Variants in ZNF827 observed in about 807,000 individuals in gnomAD.
ZNF827 encodes the protein zinc finger protein 827.
A neutral mutation model predicts 102.4 loss-of-function variants in ZNF827; 13 were observed. The observed-to-expected ratio is 0.13, with a 90% confidence interval of 0.08 to 0.20. ZNF827 has a LOEUF of 0.20. Ranked by LOEUF, ZNF827 falls within the 10% of genes least tolerant of loss-of-function variation. The pLI, the probability that ZNF827 is intolerant of heterozygous loss-of-function variation, is 1.00. For synonymous variants in ZNF827, 523 were observed against 536.2 expected (o/e 0.98, Z 0.34); for missense variants, 1,103 against 1,344.4 (o/e 0.82, Z 2.81).
chr4:145,788,123 G>A (rs111471842), intron 8 of ZNF827, among the ~76,000 whole-genome samples: 13 of 152,264 alleles, frequency 8.5e-5, no homozygotes, highest in Non-Finnish European at 1.6e-4. Context: ...TTAGTAAACA[G>A]CTGCTTCTGA....
intron 11 of ZNF827, among the ~76,000 whole-genome samples, chr4:145,771,859 C>T (rs1736338391): frequency 6.6e-6 from 1 of 152,120 alleles, no homozygotes; most frequent in African/African-American, 2.4e-5. Flanking sequence ...ATAATAGGGG[C>T]CTTTTCCTAA....
intron 5 of ZNF827, among the ~76,000 whole-genome samples, chr4:145,869,175 T>C (rs1170440425): frequency 6.6e-6 from 1 of 152,248 alleles, no homozygotes; most frequent in East Asian, 1.9e-4. Context: ...CAATGTGCTT[T>C]GAATTAACAT....
intron 7 of ZNF827, among the ~76,000 whole-genome samples, chr4:145,841,782 C>A (rs1227416332): frequency 1.3e-5 from 2 of 152,200 alleles, no homozygotes; most frequent in Non-Finnish European, 1.5e-5. Flanking sequence ...AGCAGGACCA[C>A]ATGATTCAAT....
chr4:145,924,393 A>T (rs28420866), intron 1 of ZNF827, among the ~76,000 whole-genome samples: 1,762 of 152,312 alleles, frequency 0.012, 36 homozygotes, highest in African/African-American at 0.04. Flanking sequence ...GATGTTAGAT[A>T]TACTATTTTT....
chr4:145,781,195 C>CAAAAAAAAAAGAAAAAAAAAAAAAAAAGA, intron 8 of ZNF827, among the ~76,000 whole-genome samples: 1 of 56,546 alleles, frequency 1.8e-5, no homozygotes, highest in African/African-American at 8.0e-5. Context: ...GACACCATCT[C>CAAAAAAAAAAGAAAAAAAAAAAAAAAAGA]AAAAAAAAAA....
At position 145,838,274 on chromosome 4, in the gene ZNF827, C is replaced by CA. The variant is rs567682691; in HGVS notation, c.2279+7681dup. ...GTCCTTTTCCTGGCTCATCCTGGCT[C>CA]AAAAGCACCCCCACTGAGCACCTTG... On this transcript the variant is annotated intron_variant, in intron 7 of 14. Transcript: ENST00000508784. 6.2e-3 allele frequency among the ~76,000 whole-genome samples: 941 copies of CA among 152,274 alleles called. 5 individuals are homozygous for CA. The highest frequency in any genetic ancestry group is 0.021 in the African/African-American group (877 of 41,546).
intron 1 of ZNF827, among the ~76,000 whole-genome samples, chr4:145,935,522 C>T (rs1754095254): frequency 6.6e-6 from 1 of 152,210 alleles, no homozygotes; most frequent in Non-Finnish European, 1.5e-5. Flanking sequence ...CACAAAAATC[C>T]ATTCAATGCA....
At chr4:145,916,293 G>T (rs1752662522) in intron 1 of ZNF827, among the ~76,000 whole-genome samples, 1 of 152,168 alleles carries the variant, frequency 6.6e-6, no homozygotes, top group Admixed American at 6.5e-5. Flanking sequence ...TGAATTTTGA[G>T]CACCTGCACA....
intron 5 of ZNF827, among the ~76,000 whole-genome samples, chr4:145,864,050 C>T (rs1050362140): frequency 2.6e-5 from 4 of 151,714 alleles, no homozygotes; most frequent in Non-Finnish European, 4.4e-5. Context: ...AAAAATCAGC[C>T]GGGCGCAGTG....
Position 145,765,084 on chromosome 4 carries a change from C to T in ZNF827, c.3134G>A (p.Arg1045Gln), listed in dbSNP as rs1478583447. 5 of 1,614,202 alleles carry T rather than the reference C, an allele frequency of 3.1e-6. No individual in the cohort carries two copies. Among genetic ancestry groups the T allele is most frequent in the South Asian group, 1.1e-5 (1 of 91,090 alleles). Residue 1045 changes from arginine (R) to glutamine (Q), a missense_variant, in exon 13 of 15, where the codon CGG becomes CAG. By Grantham distance (43) the Arg-to-Gln change is conservative. Coordinates refer to ENST00000508784, the MANE Select transcript of ZNF827 (RefSeq NM_001306215.2). The surrounding 1 kb of genome is among the most constrained non-coding windows in gnomAD (Gnocchi z 4.7). ...GTGGCACACATCACACTCAAACATC[C>T]GGGTGATGAGGTGTATCTGCAGATG... ...ERHLQIHLIT[R>Q]MFECDVCHKF...
intron 8 of ZNF827, among the ~76,000 whole-genome samples, chr4:145,795,510 T>C (rs1482365042): frequency 6.6e-6 from 1 of 152,246 alleles, no homozygotes; most frequent in African/African-American, 2.4e-5. Flanking sequence ...TACACAATTC[T>C]GGGACTACAT....
chr4:145,838,358 C>CCCTA (rs1745086082), intron 7 of ZNF827, among the ~76,000 whole-genome samples: 3 of 152,124 alleles, frequency 2.0e-5, no homozygotes, highest in Non-Finnish European at 4.4e-5. Context: ...TTTCTTTTAC[C>CCCTA]TACCCAAAAC....
intron 4 of ZNF827, chr4:145,876,753 G>A (rs1392699581): frequency 2.0e-5 from 3 of 152,200 alleles, no homozygotes; most frequent in Non-Finnish European, 2.9e-5. Flanking sequence ...CATATTGTGA[G>A]TTCTGGATAC....
chr4:145,791,299 T>A (rs983484536), intron 8 of ZNF827, among the ~76,000 whole-genome samples: 9 of 152,190 alleles, frequency 5.9e-5, no homozygotes, highest in African/African-American at 2.2e-4. Context: ...GGGCCTCTTT[T>A]ATAGGGGCAC....
chr4:145,855,771 A>C (rs1212507424), intron 5 of ZNF827, among the ~76,000 whole-genome samples: 1 of 152,188 alleles, frequency 6.6e-6, no homozygotes, highest in East Asian at 1.9e-4. Flanking sequence ...AGAGAGAAGC[A>C]ATGTGGAAGT....
chr4:145,788,536 ACT>A (rs1739217984), intron 8 of ZNF827, among the ~76,000 whole-genome samples: 1 of 152,232 alleles, frequency 6.6e-6, no homozygotes, highest in Non-Finnish European at 1.5e-5. Flanking sequence ...TTTTCCCTGT[ACT>A]TGTACTTCCA....
chr4:145,763,894 A>G lies in ZNF827; in HGVS notation c.3231-772T>C, dbSNP rs766719653. ...CAAGAGTGAAACGAAATGGAGTTCAACGGAGGTCCTGTTGTTCCCTGACTC... is the reference window on the plus strand; with the variant it reads ...CAAGAGTGAAACGAAATGGAGTTCAGCGGAGGTCCTGTTGTTCCCTGACTC... On this transcript the variant is annotated intron_variant, in intron 13 of 14. Coordinates refer to ENST00000508784, the MANE Select transcript of ZNF827 (RefSeq NM_001306215.2). The surrounding 1 kb of genome is among the most constrained non-coding windows in gnomAD (Gnocchi z 4.6). Among the ~76,000 whole-genome samples, 1 of 151,816 alleles carries G rather than the reference A, an allele frequency of 6.6e-6. No homozygotes were observed. The highest frequency in any genetic ancestry group is 1.5e-5 in the Non-Finnish European group (1 of 67,976).
chr4:145,759,772 AT>A lies in ZNF827; in HGVS notation c.*1843del, dbSNP rs1385524423. 6.6e-6 allele frequency: 1 copy of A among 151,904 alleles called. No individual in the cohort carries two copies. Among genetic ancestry groups the A allele is most frequent in the African/African-American group, 2.4e-5 (1 of 41,336 alleles). The allele number at this position is 151,904 out of a possible 1,614,324, so 9.4% of individuals were successfully genotyped here. A position where few individuals can be genotyped will look rare whatever the true frequency, so the allele number is the denominator to read the frequency against. ...GCCATTTCTTTTTTTTAGTCTGAGC[AT>A]TTATACCCAGAATTTATCCAAACCC... On this transcript the variant is annotated 3_prime_UTR_variant, in exon 15 of 15. Transcript: ENST00000508784.
chr4:145,921,533 A>T (rs967476488), intron 1 of ZNF827, among the ~76,000 whole-genome samples: 2 of 151,954 alleles, frequency 1.3e-5, no homozygotes, highest in African/African-American at 2.4e-5. Flanking sequence ...TTTGAGAAAA[A>T]ATATGAGTGT....
Sources: allele counts gnomAD v4.1 joint callset (sites outside exome capture counted in the v4.1 genomes callset), GRCh38; gene constraint gnomAD v4.1.1; non-coding constraint Gnocchi (gnomAD v3.1); transcripts MANE v1.5; gene names NCBI Gene and HGNC (gene_info 2026-07-23, HGNC 2026-07-21).